Variants in SYT9 observed in about 807,000 individuals in gnomAD.
The protein encoded by SYT9 is synaptotagmin 9, also known as synaptotagmin-9.
SYT9 carries 22 observed loss-of-function variants against 48.4 expected under a neutral mutation model. That is an observed-to-expected ratio of 0.45 (90% confidence interval 0.32 to 0.65). The LOEUF is 0.65. SYT9 is among the 30% of genes least tolerant of loss of function. The pLI is 0.03. For missense variants in SYT9, 577 were observed against 622.0 expected (o/e 0.93, Z 0.77); for synonymous variants, 265 against 245.0 (o/e 1.08, Z -0.76).
chr11:7,330,681 C>T (rs1387432507), intron 3 of SYT9, among the ~76,000 whole-genome samples: 1 of 152,076 alleles, frequency 6.6e-6, no homozygotes, highest in Admixed American at 6.6e-5. Context: ...TAGAGGTTGA[C>T]TTTAGATAAA....
At chr11:7,433,637 G>A (rs1332440559) in intron 6 of SYT9, among the ~76,000 whole-genome samples, 1 of 152,166 alleles carries the variant, frequency 6.6e-6, no homozygotes, top group Non-Finnish European at 1.5e-5. Context: ...TGAGGGCTCT[G>A]CCTTCATGAA....
chr11:7,432,547 CAAAAAAAAAAAAAAAA>C (rs67650978), intron 6 of SYT9, among the ~76,000 whole-genome samples: 27 of 16,922 alleles, frequency 1.6e-3, no homozygotes, highest in African/African-American at 5.4e-3. Flanking sequence ...GACTCCATCT[CAAAAAAAAAAAAAAAA>C]AAAAAAAAAA....
At chr11:7,243,261 A>G (rs949550560) in intron 1 of SYT9, among the ~76,000 whole-genome samples, 2 of 152,344 alleles carry the variant, frequency 1.3e-5, no homozygotes, top group South Asian at 4.1e-4. Flanking sequence ...CCAACATGAA[A>G]GTTGTATCAA....
intron 6 of SYT9, among the ~76,000 whole-genome samples, chr11:7,464,205 C>T (rs919224160): frequency 3.3e-5 from 5 of 152,148 alleles, no homozygotes; most frequent in African/African-American, 1.2e-4. Flanking sequence ...ATGTCACTAG[C>T]TGGGGGAATC....
At chr11:7,413,488 G>C (rs1428061115) in intron 3 of SYT9, among the ~76,000 whole-genome samples, 1 of 152,052 alleles carries the variant, frequency 6.6e-6, no homozygotes, top group African/African-American at 2.4e-5. Flanking sequence ...GGGCTCTCCT[G>C]TCAGTAAGAT....
At chr11:7,410,023 T>C (rs1314386896) in intron 3 of SYT9, among the ~76,000 whole-genome samples, 2 of 152,172 alleles carry the variant, frequency 1.3e-5, no homozygotes, top group African/African-American at 4.8e-5. Flanking sequence ...TTTCACTCTA[T>C]CCCATTGGTT....
chr11:7,280,798 GAGA>G (rs1285812512), intron 1 of SYT9, among the ~76,000 whole-genome samples: 4 of 150,648 alleles, frequency 2.7e-5, no homozygotes, highest in Non-Finnish European at 5.9e-5. Flanking sequence ...GACGTAAGTG[GAGA>G]AGAAGAAGAT....
intron 4 of SYT9, among the ~76,000 whole-genome samples, chr11:7,416,434 A>G (rs1847250926): frequency 6.6e-6 from 1 of 152,240 alleles, no homozygotes. Context: ...CAGTGCTAGC[A>G]TATATTAAGT....
At chr11:7,295,680 T>C (rs1413207383) in intron 1 of SYT9, among the ~76,000 whole-genome samples, 2 of 152,198 alleles carry the variant, frequency 1.3e-5, no homozygotes, top group Admixed American at 1.3e-4. Context: ...ATATTTTAGG[T>C]ATTTATTTGT....
chr11:7,250,191 C>A (rs1847842644), upstream of SYT9, among the ~76,000 whole-genome samples: 1 of 151,402 alleles, frequency 6.6e-6, no homozygotes, highest in Admixed American at 6.6e-5. Context: ...ACGTTTGTGC[C>A]TTTCACTTCT....
In SYT9 at chr11:7,466,882, G is replaced by A. The variant is rs972009151; in HGVS notation, c.*82G>A. On this transcript the variant is annotated 3_prime_UTR_variant, in exon 7 of 7. Transcript: ENST00000318881. ...GATCTTAAGTAACTTTTTCCATCCA[G>A]CAACATCCAGACGATTTCAGTGACC... The A allele has an allele frequency of 2.6e-6, 4 of 1,532,492 alleles. No homozygotes were observed. The African/African-American group carries it at 4.1e-5, about 16-fold the overall frequency. The allele number at this position is 1,532,492 out of a possible 1,614,324, so 94.9% of individuals were successfully genotyped here.
Position 7,408,221 on chromosome 11 carries a change from C to T in SYT9, c.1045-7821C>T, listed in dbSNP as rs1319532661. On this transcript the variant is annotated intron_variant, in intron 3 of 6. Transcript: ENST00000318881. ...TCTGCTTACCGCAACCTCCACCTCC[C>T]GGGTTCAAGCAATTCTCCTGCCTCA... Among the ~76,000 whole-genome samples, 6 of 152,132 alleles carry T rather than the reference C, an allele frequency of 3.9e-5. No homozygotes were observed. The South Asian group carries it at 6.2e-4, about 16-fold the overall frequency.
Position 7,300,137 on chromosome 11 carries a change from C to T in SYT9, c.146-2902C>T, listed in dbSNP as rs536661383. ...AATTACCTTTTTTTTTTTTTCTGTG[C>T]CAACATCCCTTCAAAATCCTAGTGA... On this transcript the variant is annotated intron_variant, in intron 1 of 6. Coordinates refer to ENST00000318881, the MANE Select transcript of SYT9 (RefSeq NM_175733.4). Among the ~76,000 whole-genome samples, 68 of 151,224 alleles carry T rather than the reference C, an allele frequency of 4.5e-4. No homozygotes were observed. In the Middle Eastern group the frequency reaches 0.01, roughly 23 times the overall value.
intron 3 of SYT9, among the ~76,000 whole-genome samples, chr11:7,394,948 G>T (rs757311151): frequency 1.3e-5 from 2 of 151,996 alleles, no homozygotes; most frequent in Non-Finnish European, 2.9e-5. Context: ...AGACATTCAG[G>T]AGCAAGTTGT....
chr11:7,265,311 G>A (rs1015172562), intron 1 of SYT9, among the ~76,000 whole-genome samples: 2 of 152,168 alleles, frequency 1.3e-5, no homozygotes, highest in African/African-American at 4.8e-5. Context: ...AAACTGGGAA[G>A]AAGTTACTGG....
intron 1 of SYT9, among the ~76,000 whole-genome samples, chr11:7,262,634 A>G: frequency 6.6e-6 from 1 of 152,240 alleles, no homozygotes; most frequent in South Asian, 2.1e-4. Context: ...AAGGTGATCA[A>G]ATAAGAAGGA....
intron 3 of SYT9, among the ~76,000 whole-genome samples, chr11:7,324,137 G>C (rs1038577007): frequency 6.6e-6 from 1 of 151,714 alleles, no homozygotes; most frequent in Non-Finnish European, 1.5e-5. Context: ...TTATTTCATT[G>C]AGAATTGATT....
At chr11:7,322,636 T>C (rs1385770706) in intron 3 of SYT9, among the ~76,000 whole-genome samples, 1 of 152,218 alleles carries the variant, frequency 6.6e-6, no homozygotes, top group Non-Finnish European at 1.5e-5. Flanking sequence ...ATAGCTTTTA[T>C]TCTAGTGAGG....
intron 6 of SYT9, among the ~76,000 whole-genome samples, chr11:7,422,221 A>G (rs1444129355): frequency 6.6e-6 from 1 of 152,164 alleles, no homozygotes; most frequent in Non-Finnish European, 1.5e-5. Flanking sequence ...AAACCCAGAC[A>G]GGGGAACCAA....
Sources: allele counts gnomAD v4.1 joint callset (sites outside exome capture counted in the v4.1 genomes callset), GRCh38; gene constraint gnomAD v4.1.1; transcripts MANE v1.5; gene names NCBI Gene and HGNC (gene_info 2026-07-23, HGNC 2026-07-21).